The following OSBP2 variants were observed in gnomAD, a reference collection of about 807,000 sequenced individuals.
OSBP2 encodes the protein oxysterol binding protein 2.
OSBP2 carries 66 observed loss-of-function variants against 96.0 expected under a neutral mutation model. That is an observed-to-expected ratio of 0.69 (90% confidence interval 0.56 to 0.84). The LOEUF (loss-of-function observed/expected upper bound fraction) is 0.84. Ranked by LOEUF, OSBP2 falls within the 40% of genes least tolerant of loss-of-function variation. OSBP2 has a pLI of 0.00. For synonymous variants in OSBP2, 525 were observed against 520.9 expected (o/e 1.01, Z -0.11); for missense variants, 1,038 against 1,222.7 (o/e 0.85, Z 2.25).
chr22:30,885,180 C>A lies in OSBP2; in HGVS notation c.1108-2246C>A, dbSNP rs531165011. On this transcript the variant is annotated intron_variant, in intron 3 of 13. Transcript: ENST00000332585. ...TCTTCCTCCTTTGGGGTGGGACAGC[C>A]TGTGATGTGCATGGAGCTCAGTGGG... Among the ~76,000 whole-genome samples the A allele has an allele frequency of 3.3e-5, 5 of 152,304 alleles. No homozygotes were observed. In the South Asian group the frequency reaches 8.3e-4, roughly 25 times the overall value.
intron 1 of OSBP2, among the ~76,000 whole-genome samples, chr22:30,710,070 G>A (rs1290494072): frequency 6.6e-6 from 1 of 151,962 alleles, no homozygotes; most frequent in African/African-American, 2.4e-5. Context: ...ATTTTTAGTA[G>A]AGACAGGGTT....
intron 2 of OSBP2, among the ~76,000 whole-genome samples, chr22:30,786,018 T>TTGTG (rs59686538): frequency 0.067 from 9,964 of 148,988 alleles, 1,071 homozygotes; most frequent in African/African-American, 0.22. Flanking sequence ...CTAATACAGT[T>TTGTG]TGTGTGTGTG....
intron 1 of OSBP2, among the ~76,000 whole-genome samples, chr22:30,719,014 C>G (rs2089504513): frequency 6.6e-6 from 1 of 152,092 alleles, no homozygotes; most frequent in Non-Finnish European, 1.5e-5. Context: ...CTTTTGAATC[C>G]TGCAGTTCTT....
At chr22:30,764,495 C>A in intron 2 of OSBP2, 1 of 680,120 alleles carries the variant, frequency 1.5e-6, no homozygotes, top group Non-Finnish European at 1.8e-6. Context: ...CTGTAAACAG[C>A]TCTCGGGAAC....
At position 30,893,531 on chromosome 22, in the gene OSBP2, CACA is replaced by C. The variant is rs2040000115; in HGVS notation, c.2063_2065del (p.Asn688del). On this transcript the variant is annotated inframe_deletion, in exon 10 of 14. Transcript: ENST00000332585. Reference sequence around the variant, plus strand: ...GTGGAGGAAGAGCACCTCAACTGTTCACAACATCATCGTGGGCAAGCTCTGGAT... The same window carrying C: ...GTGGAGGAAGAGCACCTCAACTGTTCACATCATCGTGGGCAAGCTCTGGAT... 1 of 1,614,178 alleles carries C rather than the reference CACA, an allele frequency of 6.2e-7. No homozygotes were observed. The highest frequency in any genetic ancestry group is 8.5e-7 in the Non-Finnish European group (1 of 1,180,016).
chr22:30,808,681 G>T (rs1467251668), intron 2 of OSBP2, among the ~76,000 whole-genome samples: 1 of 152,152 alleles, frequency 6.6e-6, no homozygotes, highest in Non-Finnish European at 1.5e-5. Flanking sequence ...TATGCCGGGC[G>T]TGGTGGCTGA....
Position 30,819,753 on chromosome 22 carries a change from G to A in OSBP2, c.854-50676G>A, listed in dbSNP as rs149721116. 1.6e-4 allele frequency among the ~76,000 whole-genome samples: 24 copies of A among 152,280 alleles called. No individual in the cohort carries two copies. The East Asian group carries it at 4.6e-3, about 29-fold the overall frequency. ...TCTGTACCATTTTCATTTTGTTCCA[G>A]GGTATGTTTTGTTCCCTTTCTTCTC... On this transcript the variant is annotated intron_variant, in intron 2 of 13. Transcript: ENST00000332585.
rs548998170 is a variant in OSBP2, at chr22:30,846,350, T to C, written c.854-24079T>C. Reference sequence around the variant, plus strand: ...TTAGTAGAGACAGGGTCTCACCATATTGGCCAGGCAGGCTGGTCTTGAACT... The same window carrying C: ...TTAGTAGAGACAGGGTCTCACCATACTGGCCAGGCAGGCTGGTCTTGAACT... On this transcript the variant is annotated intron_variant, in intron 2 of 13. Transcript: ENST00000332585. Among the ~76,000 whole-genome samples the C allele has an allele frequency of 2.6e-5, 4 of 152,252 alleles. No homozygotes were observed. The South Asian group carries it at 6.2e-4, about 24-fold the overall frequency.
intron 2 of OSBP2, among the ~76,000 whole-genome samples, chr22:30,812,745 G>A (rs1458654219): frequency 1.3e-5 from 2 of 152,184 alleles, no homozygotes; most frequent in African/African-American, 4.8e-5. Flanking sequence ...TGATCCAACA[G>A]TGTGTATCAT....
intron 3 of OSBP2, among the ~76,000 whole-genome samples, chr22:30,875,126 C>T (rs1223390234): frequency 4.6e-5 from 7 of 152,320 alleles, no homozygotes; most frequent in Middle Eastern, 3.4e-3. Context: ...CAAAGCTCTT[C>T]TAGTCCCATT....
intron 2 of OSBP2, among the ~76,000 whole-genome samples, chr22:30,749,876 A>G (rs919303089): frequency 1.3e-4 from 20 of 151,990 alleles, no homozygotes; most frequent in Admixed American, 4.6e-4. Context: ...CCAAAGTGGG[A>G]GGATTACAGA....
chr22:30,840,098 T>C (rs1361637377), intron 2 of OSBP2, among the ~76,000 whole-genome samples: 1 of 149,134 alleles, frequency 6.7e-6, no homozygotes, highest in Non-Finnish European at 1.5e-5. Context: ...TTGGGTGATA[T>C]ACCTAATGCT....
intron 12 of OSBP2, chr22:30,902,246 C>T: frequency 1.3e-6 from 2 of 1,556,678 alleles, no homozygotes; most frequent in South Asian, 2.2e-5. Context: ...AGGGAATCTA[C>T]CTTTTAATAT....
chr22:30,869,980 T>C (rs945723676), intron 2 of OSBP2, among the ~76,000 whole-genome samples: 10 of 152,090 alleles, frequency 6.6e-5, no homozygotes, highest in East Asian at 3.9e-4. Context: ...ACGGGGGTGA[T>C]TGGCTTGGGG....
At chr22:30,872,209 C>A in intron 3 of OSBP2, 1 of 456,156 alleles carries the variant, frequency 2.2e-6, no homozygotes, top group South Asian at 1.5e-5. Context: ...GTCCTCCTTA[C>A]AGCCCACAGA....
intron 2 of OSBP2, among the ~76,000 whole-genome samples, chr22:30,760,116 C>T (rs1380646018): frequency 2.0e-5 from 3 of 151,592 alleles, no homozygotes; most frequent in Admixed American, 6.6e-5. Flanking sequence ...GATCCGCCTG[C>T]CTTGGTCTCC....
At chr22:30,707,771 T>TA (rs952487901) in intron 1 of OSBP2, among the ~76,000 whole-genome samples, 2 of 151,900 alleles carry the variant, frequency 1.3e-5, no homozygotes, top group African/African-American at 4.8e-5. Flanking sequence ...GTTCCTAGTA[T>TA]AAAGACCCAA....
chr22:30,874,110 A>G (rs918998331), intron 3 of OSBP2, among the ~76,000 whole-genome samples: 6 of 152,164 alleles, frequency 3.9e-5, no homozygotes, highest in South Asian at 2.1e-4. Flanking sequence ...GGTGGCACGT[A>G]CCTGTAATCT....
At chr22:30,850,071 G>A (rs567079710) in intron 2 of OSBP2, among the ~76,000 whole-genome samples, 6 of 152,190 alleles carry the variant, frequency 3.9e-5, no homozygotes, top group Admixed American at 2.6e-4. Context: ...GGGAGGCCGA[G>A]GCGGGTGGAT....
Sources: gnomAD v4.1 joint callset for allele counts (sites outside exome capture counted in the v4.1 genomes callset) on GRCh38, gnomAD v4.1.1 for gene constraint, MANE v1.5 for transcripts, NCBI Gene and HGNC (gene_info 2026-07-23, HGNC 2026-07-21) for gene names.